GRIN2B: variants seen among roughly 807,000 people sequenced by gnomAD.
GRIN2B encodes the protein glutamate ionotropic receptor NMDA type subunit 2B.
GRIN2B carries 5 observed loss-of-function variants against 114.5 expected under a neutral mutation model. The ratio of observed to expected loss-of-function variants is 0.04; its 90% CI spans 0.02 to 0.09. The LOEUF (loss-of-function observed/expected upper bound fraction) is 0.09, where lower values mean the gene tolerates loss of function less well. GRIN2B is among the 10% of genes least tolerant of loss of function. The pLI, the probability that GRIN2B is intolerant of heterozygous loss-of-function variation, is 1.00. For synonymous variants in GRIN2B, 787 were observed against 745.1 expected (o/e 1.06, Z -0.92); for missense variants, 1,108 against 1,943.5 (o/e 0.57, Z 8.08).
At chr12:13,969,378 T>C (rs1409774311) in intron 2 of GRIN2B, among the ~76,000 whole-genome samples, 1 of 152,214 alleles carries the variant, frequency 6.6e-6, no homozygotes, top group Non-Finnish European at 1.5e-5. Context: ...AATCAGAAGA[T>C]GTAAGTTGGA....
intron 10 of GRIN2B, among the ~76,000 whole-genome samples, chr12:13,600,700 G>T (rs1949145500): frequency 6.6e-6 from 1 of 152,128 alleles, no homozygotes. Flanking sequence ...CTGCACAAAG[G>T]AATTGTGAAA....
At chr12:13,591,167 C>T (rs1208118189) in intron 10 of GRIN2B, among the ~76,000 whole-genome samples, 4 of 152,222 alleles carry the variant, frequency 2.6e-5, no homozygotes, top group Middle Eastern at 3.4e-3. Flanking sequence ...CCTCCACCAG[C>T]CCTCCTACTC....
intron 3 of GRIN2B, among the ~76,000 whole-genome samples, chr12:13,787,211 A>G (rs1864236840): frequency 6.6e-6 from 1 of 152,244 alleles, no homozygotes; most frequent in Non-Finnish European, 1.5e-5. Context: ...TCTTAAGTCT[A>G]TGAGAAGCCC....
intron 2 of GRIN2B, among the ~76,000 whole-genome samples, chr12:13,974,929 G>A (rs1005019568): frequency 3.9e-5 from 6 of 151,962 alleles, no homozygotes; most frequent in Non-Finnish European, 8.8e-5. Flanking sequence ...AAAAGCAGGA[G>A]GACATAAGAA....
intron 4 of GRIN2B, chr12:13,683,833 AGTT>A (rs1016598002): frequency 6.6e-6 from 1 of 152,202 alleles, no homozygotes; most frequent in African/African-American, 2.4e-5. Flanking sequence ...ATTATGTATT[AGTT>A]GTTATTATTA....
intron 2 of GRIN2B, among the ~76,000 whole-genome samples, chr12:13,878,013 G>A (rs989208729): frequency 7.9e-5 from 11 of 139,024 alleles, no homozygotes; most frequent in Middle Eastern, 8.3e-3. Context: ...CCAATGAGCC[G>A]AGATCGCACC....
At chr12:13,867,388 C>G (rs1311103583) in intron 2 of GRIN2B, among the ~76,000 whole-genome samples, 1 of 152,090 alleles carries the variant, frequency 6.6e-6, no homozygotes, top group African/African-American at 2.4e-5. Flanking sequence ...CATTATTCTC[C>G]AAGAGCTCCT....
Position 13,968,465 on chromosome 12 carries a change from C to T in GRIN2B, c.-19+11463G>A, listed in dbSNP as rs190307081. 6.6e-5 allele frequency among the ~76,000 whole-genome samples: 10 copies of T among 152,226 alleles called. No individual in the cohort carries two copies. The East Asian group carries it at 1.9e-3, about 29-fold the overall frequency. On this transcript the variant is annotated intron_variant, in intron 2 of 13. Transcript: ENST00000609686. ...GAGTTCAGCAAGGTTGTATAGTTTG[C>T]CTGAGTCACACAGTGCTGGCCAGGG...
intron 4 of GRIN2B, among the ~76,000 whole-genome samples, chr12:13,725,995 C>T (rs1036603959): frequency 6.6e-6 from 1 of 152,158 alleles, no homozygotes; most frequent in African/African-American, 2.4e-5. Flanking sequence ...CATCACTTCC[C>T]TCTGCTTCCC....
intron 2 of GRIN2B, among the ~76,000 whole-genome samples, chr12:13,920,914 C>T (rs139160742): frequency 2.6e-5 from 4 of 152,304 alleles, no homozygotes; most frequent in Admixed American, 6.5e-5. Context: ...CTGACTAATA[C>T]ATTAGTCTGC....
At chr12:13,636,586 G>A (rs142009503) in intron 5 of GRIN2B, among the ~76,000 whole-genome samples, 5 of 152,238 alleles carry the variant, frequency 3.3e-5, no homozygotes, top group East Asian at 1.9e-4. Context: ...GGAGATAAGA[G>A]GATTTGCTAA....
chr12:13,841,933 A>T (rs7956854), intron 3 of GRIN2B, among the ~76,000 whole-genome samples: 3,114 of 152,240 alleles, frequency 0.02, 104 homozygotes, highest in African/African-American at 0.071. Flanking sequence ...ATAACAATTC[A>T]TCGTGCTACA....
intron 4 of GRIN2B, among the ~76,000 whole-genome samples, chr12:13,712,032 G>T (rs1288869788): frequency 6.6e-6 from 1 of 152,072 alleles, no homozygotes; most frequent in Admixed American, 6.6e-5. Flanking sequence ...TATATACCAT[G>T]GCATACTATG....
At chr12:13,648,172 A>G (rs1328166284) in intron 5 of GRIN2B, among the ~76,000 whole-genome samples, 1 of 152,016 alleles carries the variant, frequency 6.6e-6, no homozygotes, top group East Asian at 1.9e-4. Flanking sequence ...AGTAGTATAA[A>G]CCCTAGCTCT....
chr12:13,980,340 C>G lies in GRIN2B; in HGVS notation c.-431G>C, dbSNP rs1021725516. ...CGTCCCTCGGTGGAGCATGGTCATT[C>G]CCAAAGCGTCCCCTTCCTAAGGGGG... On this transcript the variant is annotated 5_prime_UTR_variant, in exon 2 of 14. Transcript: ENST00000609686. The G allele has an allele frequency of 6.6e-6, 1 of 152,074 alleles. No homozygotes were observed. The highest frequency in any genetic ancestry group is 2.4e-5 in the African/African-American group (1 of 41,394). 9.4% of individuals were successfully genotyped at this position (152,074 alleles called of 1,614,324 possible). A position where few individuals can be genotyped will look rare whatever the true frequency, so the allele number is the denominator to read the frequency against.
intron 2 of GRIN2B, among the ~76,000 whole-genome samples, chr12:13,920,441 T>C (rs971763456): frequency 6.6e-6 from 1 of 152,202 alleles, no homozygotes. Context: ...GACTGCTTTA[T>C]CCTAGGCAAA....
chr12:13,959,051 T>C (rs1867646799), intron 2 of GRIN2B, among the ~76,000 whole-genome samples: 2 of 152,154 alleles, frequency 1.3e-5, no homozygotes, highest in Admixed American at 1.3e-4. Flanking sequence ...TCAGCAAGTG[T>C]AAATTAATGT....
chr12:13,677,483 G>A (rs1396041540), intron 4 of GRIN2B, among the ~76,000 whole-genome samples: 1 of 152,160 alleles, frequency 6.6e-6, no homozygotes, highest in African/African-American at 2.4e-5. Flanking sequence ...CCCTGGTCCT[G>A]TGTAGCTTCA....
At chr12:13,582,365 C>A (rs181816247) in intron 10 of GRIN2B, among the ~76,000 whole-genome samples, 1 of 152,094 alleles carries the variant, frequency 6.6e-6, no homozygotes, top group Non-Finnish European at 1.5e-5. Context: ...TAGAAGCTAC[C>A]GGTATATAGG....
Sources: gnomAD v4.1 joint callset for allele counts (sites outside exome capture counted in the v4.1 genomes callset) on GRCh38, gnomAD v4.1.1 for gene constraint, MANE v1.5 for transcripts, NCBI Gene and HGNC (gene_info 2026-07-23, HGNC 2026-07-21) for gene names.